The following ATRNL1 variants were observed in gnomAD, a reference collection of about 807,000 sequenced individuals.
ATRNL1 encodes attractin-like protein 1.
Under a neutral mutation model 182.7 loss-of-function variants are expected in ATRNL1, and 95 were observed. That is an observed-to-expected ratio of 0.52 (90% CI 0.44 to 0.62). The LOEUF (loss-of-function observed/expected upper bound fraction) is 0.62. ATRNL1 is among the 20% of genes least tolerant of loss of function. The pLI is 0.00. For synonymous variants in ATRNL1, 576 were observed against 568.3 expected (o/e 1.01, Z -0.19); for missense variants, 1,471 against 1,679.5 (o/e 0.88, Z 2.17).
intron 26 of ATRNL1, among the ~76,000 whole-genome samples, chr10:115,591,957 G>A (rs185051677): frequency 7.2e-5 from 11 of 152,316 alleles, no homozygotes; most frequent in African/African-American, 2.6e-4. Context: ...TAAAGAAAAT[G>A]TAGTACATGT....
chr10:115,583,065 G>A (rs1342837529), intron 26 of ATRNL1, among the ~76,000 whole-genome samples: 1 of 150,084 alleles, frequency 6.7e-6, no homozygotes, highest in African/African-American at 2.4e-5. Context: ...TACATATGTG[G>A]CATTATTTCT....
chr10:115,667,832 T>C (rs1297717062), intron 26 of ATRNL1, among the ~76,000 whole-genome samples: 3 of 151,906 alleles, frequency 2.0e-5, no homozygotes, highest in African/African-American at 7.3e-5. Context: ...AATTTTTTAA[T>C]TACTATTTTT....
chr10:115,251,396 A>G (rs560327452), intron 10 of ATRNL1, among the ~76,000 whole-genome samples: 1 of 152,260 alleles, frequency 6.6e-6, no homozygotes, highest in East Asian at 1.9e-4. Context: ...GTTTATTCCA[A>G]TTCTATATCC....
intron 26 of ATRNL1, among the ~76,000 whole-genome samples, chr10:115,570,414 C>T (rs1169228151): frequency 6.6e-6 from 1 of 152,194 alleles, no homozygotes; most frequent in Admixed American, 6.5e-5. Flanking sequence ...AACTTTCTGA[C>T]CATAGCAAAC....
chr10:115,694,914 C>T (rs1198685400), intron 26 of ATRNL1, among the ~76,000 whole-genome samples: 5 of 115,366 alleles, frequency 4.3e-5, no homozygotes, highest in African/African-American at 1.8e-4. Flanking sequence ...TATAAAATCA[C>T]ACACACACAC....
chr10:115,720,792 T>G (rs1010637219), intron 26 of ATRNL1, among the ~76,000 whole-genome samples: 1 of 152,234 alleles, frequency 6.6e-6, no homozygotes, highest in Non-Finnish European at 1.5e-5. Context: ...TAATTCTGCC[T>G]TGAAGATCAT....
chr10:115,815,853 C>T (rs191360675), intron 27 of ATRNL1, among the ~76,000 whole-genome samples: 3 of 152,166 alleles, frequency 2.0e-5, no homozygotes, highest in Non-Finnish European at 4.4e-5. Context: ...CAGTGATTTC[C>T]TGCCTTATAA....
chr10:115,536,810 GA>G (rs1178634460), intron 25 of ATRNL1, among the ~76,000 whole-genome samples: 4 of 152,022 alleles, frequency 2.6e-5, no homozygotes, highest in Non-Finnish European at 4.4e-5. Context: ...TTTTGAAAGA[GA>G]AAAAAGAAGA....
intron 27 of ATRNL1, among the ~76,000 whole-genome samples, chr10:115,839,525 C>A (rs875376): frequency 0.49 from 74,084 of 151,926 alleles, 19,263 homozygotes; most frequent in East Asian, 0.76. Flanking sequence ...CAATACAACC[C>A]ATATGTCTTT....
At chr10:115,810,510 A>G (rs1950023257) in intron 27 of ATRNL1, among the ~76,000 whole-genome samples, 1 of 151,994 alleles carries the variant, frequency 6.6e-6, no homozygotes, top group Non-Finnish European at 1.5e-5. Context: ...ACCTTCGGCC[A>G]GGGTAATTTT....
At chr10:115,813,984 A>G (rs782028013) in intron 27 of ATRNL1, among the ~76,000 whole-genome samples, 10 of 152,122 alleles carry the variant, frequency 6.6e-5, no homozygotes, top group Non-Finnish European at 1.2e-4. Flanking sequence ...ATTTTCCTTC[A>G]TTGACATAAT....
intron 21 of ATRNL1, among the ~76,000 whole-genome samples, chr10:115,428,886 T>C (rs921139190): frequency 1.2e-4 from 19 of 152,150 alleles, no homozygotes; most frequent in African/African-American, 4.6e-4. Flanking sequence ...GGTTGTATGA[T>C]AAGCTTTTGC....
intron 28 of ATRNL1, among the ~76,000 whole-genome samples, chr10:115,943,151 T>C (rs1953779047): frequency 6.6e-6 from 1 of 152,230 alleles, no homozygotes; most frequent in Non-Finnish European, 1.5e-5. Flanking sequence ...TGGTCTTTCT[T>C]CCATGTCCAT....
intron 26 of ATRNL1, among the ~76,000 whole-genome samples, chr10:115,567,370 T>C (rs1483818540): frequency 2.0e-5 from 3 of 152,168 alleles, no homozygotes; most frequent in African/African-American, 7.2e-5. Context: ...TGTATTGGGA[T>C]AAGTTTTTCT....
rs548939483 is a variant in ATRNL1, at chr10:115,833,549, A to G, written c.3904-14328A>G. Among the ~76,000 whole-genome samples, 9 of 152,338 alleles carry G rather than the reference A, an allele frequency of 5.9e-5. No homozygotes were observed. In the East Asian group the frequency reaches 1.3e-3, roughly 23 times the overall value. Reference sequence around the variant, plus strand: ...CTATGTTAAACAGACCATTAAAATGATAAAATTAAATAATAATCACTGACA... The same window carrying G: ...CTATGTTAAACAGACCATTAAAATGGTAAAATTAAATAATAATCACTGACA... On this transcript the variant is annotated intron_variant, in intron 27 of 28. Coordinates refer to ENST00000355044, the MANE Select transcript of ATRNL1 (RefSeq NM_207303.4).
chr10:115,407,855 G>A (rs1171653338), intron 20 of ATRNL1, among the ~76,000 whole-genome samples: 1 of 151,900 alleles, frequency 6.6e-6, no homozygotes, highest in Non-Finnish European at 1.5e-5. Flanking sequence ...TATCAACAAT[G>A]TATAAGAGTT....
chr10:115,456,784 C>G (rs1390357499), intron 21 of ATRNL1, among the ~76,000 whole-genome samples: 1 of 152,080 alleles, frequency 6.6e-6, no homozygotes, highest in East Asian at 1.9e-4. Context: ...TTTGAACACT[C>G]TGCTGTAGAA....
intron 26 of ATRNL1, among the ~76,000 whole-genome samples, chr10:115,637,358 A>C (rs1858941191): frequency 6.6e-6 from 1 of 152,154 alleles, no homozygotes; most frequent in Admixed American, 6.5e-5. Context: ...GATACTACTT[A>C]ACCTGAAGGG....
chr10:115,913,859 G>A (rs1952761217), intron 28 of ATRNL1, among the ~76,000 whole-genome samples: 1 of 152,068 alleles, frequency 6.6e-6, no homozygotes, highest in Non-Finnish European at 1.5e-5. Context: ...TAGGTTTTGG[G>A]AATAGGTACA....
Sources: allele counts gnomAD v4.1 joint callset (sites outside exome capture counted in the v4.1 genomes callset), GRCh38; gene constraint gnomAD v4.1.1; transcripts MANE v1.5; gene names NCBI Gene and HGNC (gene_info 2026-07-23, HGNC 2026-07-21).